SCPPPQ1: variants seen among roughly 807,000 people sequenced by gnomAD.
SCPPPQ1 encodes the protein secretory calcium-binding phosphoprotein proline-glutamine rich 1.
chr4:87,467,590 C>T, the SCPPPQ1 span, among the ~76,000 whole-genome samples: 7 of 152,290 alleles, frequency 4.6e-5, no homozygotes, highest in South Asian at 1.2e-3. Flanking sequence ...ATAGTAAGTG[C>T]AGAGAAACAC....
chr4:87,464,565 A>T, the SCPPPQ1 span, among the ~76,000 whole-genome samples: 2 of 152,200 alleles, frequency 1.3e-5, no homozygotes, highest in Admixed American at 1.3e-4. Flanking sequence ...AGTGCTGGGC[A>T]TGGTGGCTCA....
chr4:87,468,791 T>C, the SCPPPQ1 span, among the ~76,000 whole-genome samples: 3 of 152,360 alleles, frequency 2.0e-5, no homozygotes, highest in South Asian at 6.2e-4. Flanking sequence ...ATATGTATAC[T>C]GCAGCATTCC....
the SCPPPQ1 span, among the ~76,000 whole-genome samples, chr4:87,465,918 T>G: frequency 0.034 from 5,251 of 152,246 alleles, 294 homozygotes; most frequent in African/African-American, 0.12. Flanking sequence ...AAGTGTTACT[T>G]TCTTTGCTTG....
the SCPPPQ1 span, among the ~76,000 whole-genome samples, chr4:87,469,902 C>T: frequency 6.7e-6 from 1 of 150,352 alleles, no homozygotes; most frequent in African/African-American, 2.4e-5. Flanking sequence ...ATACACTGTA[C>T]ATGTTTGGTC....
At chr4:87,462,770 G>T in the SCPPPQ1 span, among the ~76,000 whole-genome samples, 3 of 152,210 alleles carry the variant, frequency 2.0e-5, no homozygotes, top group African/African-American at 7.2e-5. Flanking sequence ...GGCTGAAGCG[G>T]GTGGATCTCT....
chr4:87,464,215 G>C, the SCPPPQ1 span, among the ~76,000 whole-genome samples: 1 of 152,130 alleles, frequency 6.6e-6, no homozygotes, highest in Non-Finnish European at 1.5e-5. Context: ...TAGAATAAAG[G>C]AAACAGTCAA....
the SCPPPQ1 span, among the ~76,000 whole-genome samples, chr4:87,463,113 T>C: frequency 1.3e-5 from 2 of 152,172 alleles, no homozygotes; most frequent in African/African-American, 4.8e-5. Context: ...AATACCTTTT[T>C]AGACTGGCAA....
At chr4:87,464,414 C>A in the SCPPPQ1 span, among the ~76,000 whole-genome samples, 1 of 151,870 alleles carries the variant, frequency 6.6e-6, no homozygotes, top group East Asian at 1.9e-4. Flanking sequence ...TCTGTATTTT[C>A]TGTTGTGGGC....
At chr4:87,463,387 T>C in the SCPPPQ1 span, among the ~76,000 whole-genome samples, 4 of 152,042 alleles carry the variant, frequency 2.6e-5, no homozygotes, top group Non-Finnish European at 4.4e-5. Flanking sequence ...ATGTGTAGTT[T>C]ATTATAGCAT....
the SCPPPQ1 span, chr4:87,462,378 A>T: frequency 6.6e-6 from 1 of 152,232 alleles, no homozygotes; most frequent in Admixed American, 6.5e-5. Flanking sequence ...GCCCGTGAAT[A>T]GCCTCTGTAG....
chr4:87,463,409 C>T, the SCPPPQ1 span, among the ~76,000 whole-genome samples: 5 of 151,804 alleles, frequency 3.3e-5, no homozygotes, highest in Non-Finnish European at 5.9e-5. Flanking sequence ...AAAATAGAGC[C>T]TTACCCCTAG....
the SCPPPQ1 span, among the ~76,000 whole-genome samples, chr4:87,465,376 T>C: frequency 6.6e-6 from 1 of 151,998 alleles, no homozygotes. Context: ...AAACAAAATA[T>C]CAATAACTAG....
the SCPPPQ1 span, among the ~76,000 whole-genome samples, chr4:87,466,446 C>G: frequency 6.6e-6 from 1 of 151,840 alleles, no homozygotes; most frequent in East Asian, 1.9e-4. Context: ...CTGACTAGAA[C>G]CAAAATAATT....
the SCPPPQ1 span, among the ~76,000 whole-genome samples, chr4:87,467,604 G>A: frequency 1.3e-5 from 2 of 152,326 alleles, no homozygotes; most frequent in Admixed American, 6.5e-5. Flanking sequence ...GAAACACTGC[G>A]AGAGGGCACT....
chr4:87,462,029 A>G, the SCPPPQ1 span: 2 of 152,218 alleles, frequency 1.3e-5, no homozygotes, highest in Non-Finnish European at 2.9e-5. Flanking sequence ...AATACAGATT[A>G]TAGTTATAAT....
chr4:87,465,087 G>GT, the SCPPPQ1 span, among the ~76,000 whole-genome samples: 1 of 152,106 alleles, frequency 6.6e-6, no homozygotes, highest in South Asian at 2.1e-4. Flanking sequence ...AATGACAAAT[G>GT]TAAGCATAAA....
chr4:87,465,782 AGTGG>A, the SCPPPQ1 span, among the ~76,000 whole-genome samples: 13 of 152,280 alleles, frequency 8.5e-5, no homozygotes, highest in East Asian at 2.3e-3. Flanking sequence ...ATTAGAATCT[AGTGG>A]GTTCAATATA....
At chr4:87,468,003 T>C in the SCPPPQ1 span, among the ~76,000 whole-genome samples, 1 of 152,170 alleles carries the variant, frequency 6.6e-6, no homozygotes, top group South Asian at 2.1e-4. Context: ...TTTCAGCATA[T>C]TGTTCGAGCT....
chr4:87,462,563 A>G, the SCPPPQ1 span, among the ~76,000 whole-genome samples: 1 of 152,082 alleles, frequency 6.6e-6, no homozygotes, highest in Non-Finnish European at 1.5e-5. Context: ...TAGAAGTCAA[A>G]GTTTGTAGCC....
Sources: gnomAD v4.1 joint callset for allele counts (sites outside exome capture counted in the v4.1 genomes callset) on GRCh38, gnomAD v4.1.1 for gene constraint, MANE v1.5 for transcripts, NCBI Gene and HGNC (gene_info 2026-07-23, HGNC 2026-07-21) for gene names.